The following COLGALT2 variants were observed in gnomAD, a reference collection of about 807,000 sequenced individuals.
COLGALT2 encodes the protein procollagen galactosyltransferase 2.
A neutral mutation model predicts 73.4 loss-of-function variants in COLGALT2; 49 were observed. That is an observed-to-expected ratio of 0.67 (90% CI 0.53 to 0.85). The LOEUF is 0.85. Ranked by LOEUF, COLGALT2 falls within the 40% of genes least tolerant of loss-of-function variation. The pLI, the probability that COLGALT2 is intolerant of heterozygous loss-of-function variation, is 0.00. For missense variants in COLGALT2, 722 were observed against 790.2 expected (o/e 0.91, Z 1.03); for synonymous variants, 295 against 307.6 (o/e 0.96, Z 0.43).
chr1:183,991,659 A>T (rs901492128), intron 1 of COLGALT2, among the ~76,000 whole-genome samples: 4 of 152,196 alleles, frequency 2.6e-5, no homozygotes, highest in Non-Finnish European at 4.4e-5. Context: ...GTCTTCCCAT[A>T]TCACTTCATT....
In COLGALT2 at chr1:183,936,772, G is replaced by T; in HGVS notation, c.*1989C>A. ...GGTGGGTGGGAAAGGAAGTCACACT[G>T]ACAGCTAAGTCTAAGCGGCACAATT... On this transcript the variant is annotated 3_prime_UTR_variant, in exon 12 of 12. Coordinates refer to ENST00000361927, the MANE Select transcript of COLGALT2 (RefSeq NM_015101.4). 8.1e-7 allele frequency: 1 copy of T among 1,231,356 alleles called. No homozygotes were observed. Among genetic ancestry groups the T allele is most frequent in the South Asian group, 4.2e-5 (1 of 24,064 alleles). 76.3% of individuals were successfully genotyped at this position (1,231,356 alleles called of 1,614,324 possible).
chr1:183,945,511 T>G lies in COLGALT2; in HGVS notation c.1190A>C (p.Tyr397Ser). 1 of 1,614,214 alleles carries G rather than the reference T, an allele frequency of 6.2e-7. No homozygotes were observed. Among genetic ancestry groups the G allele is most frequent in the African/African-American group, 1.3e-5 (1 of 75,062 alleles). Residue 397 changes from tyrosine to serine, a missense_variant, in exon 9 of 12, where the codon TAT becomes TCT. Tyr to Ser is a moderately radical substitution (Grantham distance 144). Coordinates refer to ENST00000361927, the MANE Select transcript of COLGALT2 (RefSeq NM_015101.4). ...AGGCCTGGAGGAATAGGGATCTCGA[T>G]AGCCAGGCAGCATTTCAATATTCAG... is the stretch of plus-strand genomic sequence containing the variant. The part of the protein sequence containing the change: ...KALNIEMLPG[Y>S]RDPYSSRPLT...
chr1:184,027,496 C>T (rs571053585), intron 1 of COLGALT2, among the ~76,000 whole-genome samples: 1 of 152,298 alleles, frequency 6.6e-6, no homozygotes, highest in African/African-American at 2.4e-5. Context: ...GGCCTCTGAA[C>T]CTGTATTTGG....
At chr1:184,000,825 A>ATTTT (rs149091262) in intron 1 of COLGALT2, among the ~76,000 whole-genome samples, 32 of 113,222 alleles carry the variant, frequency 2.8e-4, no homozygotes, top group African/African-American at 8.4e-4. Flanking sequence ...TCAGCCCCCC[A>ATTTT]TTTTTTTTTT....
chr1:184,025,743 C>T (rs1050346568), intron 1 of COLGALT2, among the ~76,000 whole-genome samples: 6 of 152,186 alleles, frequency 3.9e-5, no homozygotes, highest in African/African-American at 1.2e-4. Context: ...AAACACCTTT[C>T]GCACAGTATA....
chr1:184,015,418 CA>C (rs1389136503), intron 1 of COLGALT2, among the ~76,000 whole-genome samples: 2 of 152,192 alleles, frequency 1.3e-5, no homozygotes, highest in Non-Finnish European at 2.9e-5. Flanking sequence ...TTCCTCAACC[CA>C]CTGTGCTTCT....
intron 1 of COLGALT2, among the ~76,000 whole-genome samples, chr1:183,982,898 C>T (rs940269671): frequency 2.0e-5 from 3 of 152,218 alleles, no homozygotes; most frequent in Non-Finnish European, 2.9e-5. Context: ...TCTTTGCCTT[C>T]TCTACATCAA....
intron 6 of COLGALT2, among the ~76,000 whole-genome samples, chr1:183,956,505 C>T (rs895415535): frequency 6.6e-6 from 1 of 152,154 alleles, no homozygotes. Flanking sequence ...GAGAAAGAAG[C>T]TTAATGTACC....
chr1:183,936,669 C>T lies in COLGALT2; in HGVS notation c.*2092G>A. The T allele has an allele frequency of 8.2e-7, 1 of 1,226,330 alleles. No individual in the cohort carries two copies. Among genetic ancestry groups the T allele is most frequent in the Admixed American group, 4.2e-5 (1 of 23,572 alleles). The allele number at this position is 1,226,330 out of a possible 1,614,324, so 76.0% of individuals were successfully genotyped here. Reference sequence around the variant, plus strand: ...ACACACTCAAATATGAAAACAAAAACCAGATACCCAAGGAAATCTTAGGAA... The same window carrying T: ...ACACACTCAAATATGAAAACAAAAATCAGATACCCAAGGAAATCTTAGGAA... On this transcript the variant is annotated 3_prime_UTR_variant, in exon 12 of 12. Coordinates refer to ENST00000361927, the MANE Select transcript of COLGALT2 (RefSeq NM_015101.4).
At chr1:183,944,052 T>G in intron 10 of COLGALT2, 144 bp downstream of exon 10, 1 of 1,007,054 alleles carries the variant, frequency 9.9e-7, no homozygotes, top group Non-Finnish European at 1.4e-6. Context: ...CCATTTTTAT[T>G]TCTGAGAACA....
In COLGALT2 at chr1:183,938,372, G is replaced by T. The variant is rs1290579016; in HGVS notation, c.*389C>A. On this transcript the variant is annotated 3_prime_UTR_variant, in exon 12 of 12. Coordinates refer to ENST00000361927, the MANE Select transcript of COLGALT2 (RefSeq NM_015101.4). ...CCAATAAGTGTGGTCTAGTTGGCCTGGCTGCCTTGACTACATATTTGCTGA... is the reference window on the plus strand; with the variant it reads ...CCAATAAGTGTGGTCTAGTTGGCCTTGCTGCCTTGACTACATATTTGCTGA... The T allele has an allele frequency of 9.6e-7, 1 of 1,039,432 alleles. No homozygotes were observed. Among genetic ancestry groups the T allele is most frequent in the East Asian group, 7.9e-5 (1 of 12,714 alleles). 64.4% of individuals were successfully genotyped at this position (1,039,432 alleles called of 1,614,324 possible). A position where few individuals can be genotyped will look rare whatever the true frequency, so the allele number is the denominator to read the frequency against.
At chr1:183,975,607 C>A (rs1403444099) in intron 2 of COLGALT2, among the ~76,000 whole-genome samples, 3 of 152,122 alleles carry the variant, frequency 2.0e-5, no homozygotes, top group African/African-American at 7.2e-5. Flanking sequence ...TTTATACATC[C>A]CGACATCGAA....
chr1:184,022,285 C>A (rs561302984), intron 1 of COLGALT2, among the ~76,000 whole-genome samples: 1 of 152,198 alleles, frequency 6.6e-6, no homozygotes, highest in East Asian at 1.9e-4. Context: ...ACTAAGGAGC[C>A]TGAAGAAAGT....
chr1:184,018,122 AT>A (rs1649063566), intron 1 of COLGALT2, among the ~76,000 whole-genome samples: 1 of 152,176 alleles, frequency 6.6e-6, no homozygotes, highest in Non-Finnish European at 1.5e-5. Flanking sequence ...CTAATTTCCT[AT>A]TTTATTATTA....
intron 3 of COLGALT2, among the ~76,000 whole-genome samples, chr1:183,974,348 T>TAC (rs1388972192): frequency 3.9e-5 from 6 of 152,330 alleles, no homozygotes; most frequent in African/African-American, 1.4e-4. Context: ...TACTGAACTA[T>TAC]ACACTGAAAA....
At chr1:183,945,708 C>T in intron 8 of COLGALT2, 144 bp from the exon 9 acceptor site, 1 of 935,444 alleles carries the variant, frequency 1.1e-6, no homozygotes, top group African/African-American at 1.7e-5. Context: ...TTAGAAGTTC[C>T]TCCAGGCTAA....
rs763537116 is a variant in COLGALT2, at chr1:183,978,395, G to A, written c.374+15C>T. The A allele has an allele frequency of 7.6e-6, 11 of 1,452,558 alleles. No individual in the cohort carries two copies. Among genetic ancestry groups the A allele is most frequent in the East Asian group, 4.6e-5 (2 of 43,764 alleles). The allele number at this position is 1,452,558 out of a possible 1,614,324, so 90.0% of individuals were successfully genotyped here. On this transcript the variant is annotated intron_variant, in intron 2 of 11. Coordinates refer to ENST00000361927, the MANE Select transcript of COLGALT2 (RefSeq NM_015101.4). ...GGTAAATAATGAGTTTACAAATTTC[G>A]CACTTGCTACTCACTCTGGTTCATC... is the stretch of plus-strand genomic sequence containing the variant.
chr1:184,023,643 TGGG>T (rs56285855), intron 1 of COLGALT2, among the ~76,000 whole-genome samples: 20 of 133,154 alleles, frequency 1.5e-4, no homozygotes, highest in Admixed American at 3.1e-4. Flanking sequence ...GTGCGTGAGG[TGGG>T]GGGGGGGGGC....
chr1:183,974,257 C>T (rs1184903841), intron 3 of COLGALT2, among the ~76,000 whole-genome samples: 1 of 152,166 alleles, frequency 6.6e-6, no homozygotes, highest in Non-Finnish European at 1.5e-5. Flanking sequence ...AAGCTATTTC[C>T]TATTCTTAGA....
Sources: allele counts gnomAD v4.1 joint callset (sites outside exome capture counted in the v4.1 genomes callset), GRCh38; gene constraint gnomAD v4.1.1; transcripts MANE v1.5; gene names NCBI Gene and HGNC (gene_info 2026-07-23, HGNC 2026-07-21).